The following CALN1 variants were observed in gnomAD, a reference collection of about 807,000 sequenced individuals.
CALN1 encodes calneuron 1.
CALN1 carries 17 observed loss-of-function variants against 30.6 expected under a neutral mutation model. The observed-to-expected ratio is 0.56, with a 90% CI of 0.38 to 0.83. The LOEUF (loss-of-function observed/expected upper bound fraction) is 0.83. CALN1 is among the 40% of genes least tolerant of loss of function. CALN1 has a pLI of 0.00. For synonymous variants in CALN1, 156 were observed against 131.4 expected, an observed-to-expected ratio of 1.19 and a Z score of -1.28; for missense variants, 291 against 354.9, an observed-to-expected ratio of 0.82 and a Z score of 1.45.
chr7:72,276,047 A>AG (rs1797312700), intron 3 of CALN1, among the ~76,000 whole-genome samples: 1 of 152,200 alleles, frequency 6.6e-6, no homozygotes, highest in Non-Finnish European at 1.5e-5. Context: ...GGAAGGAGGA[A>AG]GGGGGGAGAA....
intron 5 of CALN1, among the ~76,000 whole-genome samples, chr7:71,852,218 T>C (rs1049835088): frequency 2.0e-5 from 3 of 152,214 alleles, no homozygotes; most frequent in African/African-American, 7.2e-5. Flanking sequence ...TTTGTTGCTA[T>C]TACGATCAAG....
intron 3 of CALN1, among the ~76,000 whole-genome samples, chr7:72,202,504 CTT>C (rs753154549): frequency 6.6e-6 from 1 of 152,156 alleles, no homozygotes; most frequent in Non-Finnish European, 1.5e-5. Flanking sequence ...TGCTGGAAAA[CTT>C]TAAACCATTG....
At chr7:71,821,715 GA>G (rs1023592942) in intron 5 of CALN1, among the ~76,000 whole-genome samples, 1 of 151,154 alleles carries the variant, frequency 6.6e-6, no homozygotes, top group Non-Finnish European at 1.5e-5. Context: ...ATGTCTTTTG[GA>G]AAAAAATCTA....
rs59798860 is a variant in CALN1, at chr7:72,203,979, C to CTATTTTTTT, written c.244+74706_244+74707insAAAAAAATA. On this transcript the variant is annotated intron_variant, in intron 3 of 6. Transcript: ENST00000395275. ...TAGCCTTCATATAAGAGGCCTCTCT[C>CTATTTTTTT]TTTTTTTTTTTTTTTTTTTTTTTTT... Among the ~76,000 whole-genome samples the CTATTTTTTT allele has an allele frequency of 1.6e-3, 138 of 83,798 alleles. 21 individuals carry two copies. Among genetic ancestry groups the CTATTTTTTT allele is most frequent in the East Asian group, 5.2e-3 (13 of 2,492 alleles). The allele number at this position is 83,798 out of a possible 152,430, so 55.0% of individuals were successfully genotyped here.
intron 5 of CALN1, among the ~76,000 whole-genome samples, chr7:72,002,640 G>A (rs1328387491): frequency 6.6e-6 from 1 of 152,166 alleles, no homozygotes; most frequent in Non-Finnish European, 1.5e-5. Flanking sequence ...CAACTTTGAT[G>A]TAGAAAATCC....
intron 5 of CALN1, among the ~76,000 whole-genome samples, chr7:71,963,637 G>A (rs1323700279): frequency 2.0e-5 from 3 of 151,782 alleles, no homozygotes; most frequent in East Asian, 1.9e-4. Context: ...TTTTCTTATC[G>A]TCTCTCCTTG....
intron 6 of CALN1, among the ~76,000 whole-genome samples, chr7:71,795,197 T>C (rs1332013365): frequency 6.6e-6 from 1 of 152,098 alleles, no homozygotes; most frequent in Non-Finnish European, 1.5e-5. Flanking sequence ...AATTTTTGTA[T>C]TTTTAGTAGA....
intron 5 of CALN1, among the ~76,000 whole-genome samples, chr7:72,010,894 C>T (rs1800038652): frequency 6.8e-6 from 1 of 146,696 alleles, no homozygotes; most frequent in South Asian, 2.2e-4. Context: ...GTGGCTAATG[C>T]CTGTAATCCC....
intron 6 of CALN1, among the ~76,000 whole-genome samples, chr7:71,791,817 G>C (rs1786568045): frequency 6.6e-6 from 1 of 152,158 alleles, no homozygotes; most frequent in Admixed American, 6.5e-5. Flanking sequence ...AGACCATCCT[G>C]GCTAACACGG....
intron 5 of CALN1, among the ~76,000 whole-genome samples, chr7:71,905,146 C>A (rs948089819): frequency 1.3e-5 from 2 of 152,108 alleles, no homozygotes; most frequent in East Asian, 3.9e-4. Flanking sequence ...AACATGTTGG[C>A]CGGGCTGGTC....
Position 72,228,823 on chromosome 7 carries a change from G to A in CALN1, c.244+49863C>T, listed in dbSNP as rs140569532. Among the ~76,000 whole-genome samples, 65 of 151,528 alleles carry A rather than the reference G, an allele frequency of 4.3e-4. No homozygotes were observed. The East Asian group carries it at 0.012, about 27-fold the overall frequency. On this transcript the variant is annotated intron_variant, in intron 3 of 6. Transcript: ENST00000395275. ...ATAGTCCAGGCTGGAGTGCACTGAT[G>A]CAATCATAGCTCACTGCAACCTCAA... is the stretch of plus-strand genomic sequence containing the variant.
the CALN1 span, among the ~76,000 whole-genome samples, chr7:72,501,563 A>G: frequency 0.5 from 61,863 of 123,228 alleles, 15,089 homozygotes; most frequent in African/African-American, 0.73. Flanking sequence ...GAGGGAGGGA[A>G]GAGAAGAAAG....
At chr7:71,969,401 G>A (rs1584637382) in intron 5 of CALN1, among the ~76,000 whole-genome samples, 1 of 152,004 alleles carries the variant, frequency 6.6e-6, no homozygotes, top group Non-Finnish European at 1.5e-5. Context: ...TCTTAATGTG[G>A]TCTAGATACT....
chr7:72,114,108 C>T (rs1260179474), intron 3 of CALN1, among the ~76,000 whole-genome samples: 8 of 151,550 alleles, frequency 5.3e-5, no homozygotes. Context: ...GGGCTGGGCA[C>T]AGTGGCTCAC....
chr7:72,308,370 G>GGA (rs1336948736), intron 2 of CALN1, among the ~76,000 whole-genome samples: 1 of 90,312 alleles, frequency 1.1e-5, no homozygotes, highest in Admixed American at 1.2e-4. Flanking sequence ...TCTGTGGGGG[G>GGA]GGGAGAGAGA....
intron 2 of CALN1, among the ~76,000 whole-genome samples, chr7:72,328,852 T>C (rs1424223012): frequency 6.6e-6 from 1 of 152,192 alleles, no homozygotes; most frequent in East Asian, 1.9e-4. Flanking sequence ...CCCACCACCA[T>C]GCCCAGCTAG....
chr7:72,224,804 T>C (rs539493836), intron 3 of CALN1, among the ~76,000 whole-genome samples: 1 of 151,410 alleles, frequency 6.6e-6, no homozygotes, highest in East Asian at 1.9e-4. Context: ...AAGAGCAGGA[T>C]AAGGCCGGGC....
the CALN1 span, among the ~76,000 whole-genome samples, chr7:72,480,388 T>A: frequency 2.6e-5 from 4 of 152,214 alleles, no homozygotes; most frequent in African/African-American, 7.2e-5. Flanking sequence ...TAAATTTATA[T>A]GTTGTTAGAT....
At chr7:72,188,694 G>T (rs1431365369) in intron 3 of CALN1, among the ~76,000 whole-genome samples, 2 of 152,048 alleles carry the variant, frequency 1.3e-5, no homozygotes, top group Non-Finnish European at 2.9e-5. Context: ...CCCCAAAAAT[G>T]TATGGAAATA....
Sources: gnomAD v4.1 joint callset for allele counts (sites outside exome capture counted in the v4.1 genomes callset) on GRCh38, gnomAD v4.1.1 for gene constraint, MANE v1.5 for transcripts, NCBI Gene and HGNC (gene_info 2026-07-23, HGNC 2026-07-21) for gene names.